The following ZBTB16 variants were observed in gnomAD, a reference collection of about 807,000 sequenced individuals.
ZBTB16 encodes the protein zinc finger and BTB domain containing 16, also known as zinc finger and BTB domain-containing protein 16.
ZBTB16 carries 8 observed loss-of-function variants against 56.8 expected under a neutral mutation model. The observed-to-expected ratio is 0.14, with a 90% CI of 0.08 to 0.25. The LOEUF is 0.25. Among genes scored for constraint, ZBTB16 ranks in the 10% least tolerant of loss-of-function variants. ZBTB16 has a pLI of 1.00. For missense variants in ZBTB16, 625 were observed against 903.0 expected, an observed-to-expected ratio of 0.69 and a Z score of 3.95; for synonymous variants, 363 against 368.5, an observed-to-expected ratio of 0.98 and a Z score of 0.17.
chr11:114,125,576 C>G (rs367898000), intron 2 of ZBTB16, among the ~76,000 whole-genome samples: 1 of 148,714 alleles, frequency 6.7e-6, no homozygotes, highest in Non-Finnish European at 1.5e-5. Flanking sequence ...TTTTTTTCAT[C>G]GAGCCTGCAG....
chr11:114,255,769 GT>G lies in ZBTB16; in HGVS notation c.*5221del, dbSNP rs1483515401. 1.3e-5 allele frequency among the ~76,000 whole-genome samples: 2 copies of G among 151,114 alleles called. No homozygotes were observed. Among genetic ancestry groups the G allele is most frequent in the African/African-American group, 4.9e-5 (2 of 41,152 alleles). On this transcript the variant is annotated 3_prime_UTR_variant, in exon 7 of 7. Transcript: ENST00000335953. The stretch of plus-strand genomic sequence containing the variant: ...AGAAAAAATGAATTTACTGCTGCAG[GT>G]TTTTTTCTCTCTCCATGTGTCACTA...
chr11:114,084,176 TA>T (rs1445002148), intron 2 of ZBTB16, among the ~76,000 whole-genome samples: 1 of 152,230 alleles, frequency 6.6e-6, no homozygotes, highest in Non-Finnish European at 1.5e-5. Flanking sequence ...GCAGTTATTT[TA>T]TTTTATTTAT....
chr11:114,182,417 C>G (rs182783377), intron 3 of ZBTB16, among the ~76,000 whole-genome samples: 26 of 152,292 alleles, frequency 1.7e-4, no homozygotes, highest in Admixed American at 1.6e-3. Context: ...TTTACTCGCT[C>G]TTTAAAAATC....
At chr11:114,136,670 C>T (rs1242910104) in intron 2 of ZBTB16, among the ~76,000 whole-genome samples, 3 of 152,072 alleles carry the variant, frequency 2.0e-5, no homozygotes, top group Admixed American at 2.0e-4. Context: ...GAATGAAAGT[C>T]ATCATCGGGC....
intron 2 of ZBTB16, among the ~76,000 whole-genome samples, chr11:114,131,109 T>C (rs998004432): frequency 6.6e-6 from 1 of 152,348 alleles, no homozygotes; most frequent in African/African-American, 2.4e-5. Context: ...GATTCATGTT[T>C]ACCCTTTGAT....
chr11:114,216,797 A>G (rs1408190274), intron 4 of ZBTB16, among the ~76,000 whole-genome samples: 2 of 152,190 alleles, frequency 1.3e-5, no homozygotes, highest in African/African-American at 4.8e-5. Flanking sequence ...TTCAACATTT[A>G]TTGCATATCT....
chr11:114,224,418 T>C (rs1009147023), intron 4 of ZBTB16, among the ~76,000 whole-genome samples: 6 of 152,196 alleles, frequency 3.9e-5, no homozygotes, highest in South Asian at 2.1e-4. Flanking sequence ...CTTTTTTTAT[T>C]GTTATCGTTA....
rs1486706284 is a variant in ZBTB16 at position 114,129,862 on chromosome 11, C to T, written c.1269-26475C>T. Among the ~76,000 whole-genome samples, 3 of 152,240 alleles carry T rather than the reference C, an allele frequency of 2.0e-5. No homozygotes were observed. In the East Asian group the frequency reaches 5.8e-4, roughly 29 times the overall value. On this transcript the variant is annotated intron_variant, in intron 2 of 6. Transcript: ENST00000335953. The stretch of plus-strand genomic sequence containing the variant: ...AGCACAGAATATGGGCTTCTCCCCC[C>T]TCCTTCTCTCCTGCGGCCCGCTTTC...
chr11:114,229,332 T>A (rs988346703), intron 4 of ZBTB16, among the ~76,000 whole-genome samples: 1 of 152,218 alleles, frequency 6.6e-6, no homozygotes, highest in African/African-American at 2.4e-5. Flanking sequence ...GCTTGTCTGA[T>A]TAAATCGGAT....
intron 2 of ZBTB16, among the ~76,000 whole-genome samples, chr11:114,074,118 T>G (rs1416661708): frequency 3.3e-5 from 5 of 152,230 alleles, no homozygotes; most frequent in Non-Finnish European, 7.3e-5. Flanking sequence ...ATGAGATCAC[T>G]TGTAACCTAA....
chr11:114,111,710 G>A (rs1180394590), intron 2 of ZBTB16, among the ~76,000 whole-genome samples: 1 of 152,192 alleles, frequency 6.6e-6, no homozygotes, highest in Non-Finnish European at 1.5e-5. Flanking sequence ...TGACACCTCT[G>A]TTTTGACAAA....
At chr11:114,180,168 GT>G (rs1565671184) in intron 3 of ZBTB16, among the ~76,000 whole-genome samples, 1 of 152,156 alleles carries the variant, frequency 6.6e-6, no homozygotes, top group Non-Finnish European at 1.5e-5. Context: ...TTCTGGAGGT[GT>G]CGGGAAGTCA....
At position 114,143,968 on chromosome 11, in the gene ZBTB16, C is replaced by T. The variant is rs1323754919; in HGVS notation, c.1269-12369C>T. On this transcript the variant is annotated intron_variant, in intron 2 of 6. Transcript: ENST00000335953. This position sits in a 1 kb window ranked among gnomAD's most constrained non-coding sequence, Gnocchi z 6.4. The stretch of plus-strand genomic sequence containing the variant: ...ATTTCCTGTGTGCTCGGGAGCCTTG[C>T]GTGTAAGGAGCAAGAGGAGCACGCA... Among the ~76,000 whole-genome samples, 4 of 152,114 alleles carry T rather than the reference C, an allele frequency of 2.6e-5. No homozygotes were observed. Among genetic ancestry groups the T allele is most frequent in the Admixed American group, 6.5e-5 (1 of 15,276 alleles).
At chr11:114,108,154 T>C (rs1028792961) in intron 2 of ZBTB16, among the ~76,000 whole-genome samples, 2 of 152,132 alleles carry the variant, frequency 1.3e-5, no homozygotes, top group Non-Finnish European at 2.9e-5. Flanking sequence ...CTTCTGTGTG[T>C]AAGACGGCAG....
intron 2 of ZBTB16, among the ~76,000 whole-genome samples, chr11:114,078,422 A>C (rs544146646): frequency 3.3e-5 from 5 of 152,330 alleles, no homozygotes; most frequent in African/African-American, 1.2e-4. Flanking sequence ...CTGACTTTGC[A>C]GGTGCTTCTT....
At chr11:114,074,632 C>T (rs1591640562) in intron 2 of ZBTB16, among the ~76,000 whole-genome samples, 2 of 152,232 alleles carry the variant, frequency 1.3e-5, no homozygotes, top group East Asian at 3.9e-4. Flanking sequence ...TAGCACCTGG[C>T]ATCATAACCC....
At chr11:114,181,445 G>A (rs140953009) in intron 3 of ZBTB16, among the ~76,000 whole-genome samples, 1 of 152,328 alleles carries the variant, frequency 6.6e-6, no homozygotes, top group Admixed American at 6.5e-5. Context: ...CAAATGTTGA[G>A]TTCTTAACCA....
At chr11:114,115,780 A>G (rs918862165) in intron 2 of ZBTB16, among the ~76,000 whole-genome samples, 1 of 152,028 alleles carries the variant, frequency 6.6e-6, no homozygotes, top group South Asian at 2.1e-4. Context: ...ACGGCCCGCT[A>G]ATTTGTCTTT....
chr11:114,143,982 G>C lies in ZBTB16; in HGVS notation c.1269-12355G>C, dbSNP rs188730562. Reference sequence around the variant, plus strand: ...CGGGAGCCTTGCGTGTAAGGAGCAAGAGGAGCACGCAAGCTGCCTGGTGCT... The same window carrying C: ...CGGGAGCCTTGCGTGTAAGGAGCAACAGGAGCACGCAAGCTGCCTGGTGCT... On this transcript the variant is annotated intron_variant, in intron 2 of 6. Transcript: ENST00000335953. This position sits in a 1 kb window ranked among gnomAD's most constrained non-coding sequence, Gnocchi z 6.4. Among the ~76,000 whole-genome samples the C allele has an allele frequency of 9.2e-5, 14 of 152,328 alleles. No individual in the cohort carries two copies. In the East Asian group the frequency reaches 2.7e-3, roughly 29 times the overall value.
Sources: gnomAD v4.1 joint callset for allele counts (sites outside exome capture counted in the v4.1 genomes callset) on GRCh38, gnomAD v4.1.1 for gene constraint, Gnocchi (gnomAD v3.1) non-coding constraint, MANE v1.5 for transcripts, NCBI Gene and HGNC (gene_info 2026-07-23, HGNC 2026-07-21) for gene names.